The following WEE2 variants were observed in gnomAD, a reference collection of about 807,000 sequenced individuals.
The protein encoded by WEE2 is wee1-like protein kinase 2.
In WEE2, 50 loss-of-function variants were observed where a neutral mutation model predicts 60.1. The observed-to-expected ratio is 0.83, with a 90% CI of 0.66 to 1.05. WEE2 has a LOEUF of 1.05. Among genes scored for constraint, WEE2 ranks in the 50% least tolerant of loss-of-function variants. WEE2 has a pLI of 0.00. For missense variants in WEE2, 631 were observed against 684.3 expected (o/e 0.92, Z 0.87); for synonymous variants, 240 against 241.0 (o/e 1.00, Z 0.04).
rs1445663167 is a variant in WEE2 at position 141,721,043 on chromosome 7, T to C, written c.867T>C (p.Asn289=). 1 of 1,614,080 alleles carries C rather than the reference T, an allele frequency of 6.2e-7. No individual in the cohort carries two copies. Among genetic ancestry groups the C allele is most frequent in the Non-Finnish European group, 8.5e-7 (1 of 1,180,036 alleles). The stretch of plus-strand genomic sequence containing the variant: ...AAGATGACCACATGATCATTCAGAA[T>C]GAATACTGCAATGGTAAGTAGTATA... ...WAEDDHMIIQ[N]EYCNGGSLQA... Residue 289 remains asparagine, a synonymous_variant, in exon 5 of 12, where the codon AAT becomes AAC. Transcript: ENST00000397541.
chr7:141,730,029 A>G (rs1299398571), intron 11 of WEE2, among the ~76,000 whole-genome samples: 8 of 151,572 alleles, frequency 5.3e-5, no homozygotes, highest in Non-Finnish European at 1.2e-4. Flanking sequence ...GCACCAGCCA[A>G]CCTTTTACTG....
intron 1 of WEE2, among the ~76,000 whole-genome samples, chr7:141,712,807 T>A (rs1024076566): frequency 6.6e-6 from 1 of 152,242 alleles, no homozygotes; most frequent in South Asian, 2.1e-4. Flanking sequence ...TAGATGTGTT[T>A]TACTTTCCAT....
Position 141,708,610 on chromosome 7 carries a change from GT to G in WEE2, c.-145del, listed in dbSNP as rs1413239933. On this transcript the variant is annotated 5_prime_UTR_variant, in exon 1 of 12. Transcript: ENST00000397541. ...ACTTAAGGCAGAAAATTAACACCGT[GT>G]TTTGTAGCTGTTAGTTGGTAGAGGG... 1.5e-6 allele frequency: 1 copy of G among 664,906 alleles called. No individual in the cohort carries two copies. The highest frequency in any genetic ancestry group is 2.7e-5 in the Admixed American group (1 of 37,226). 41.2% of individuals were successfully genotyped at this position (664,906 alleles called of 1,614,324 possible).
intron 1 of WEE2, among the ~76,000 whole-genome samples, chr7:141,713,585 C>T (rs1033584314): frequency 1.3e-5 from 2 of 152,118 alleles, no homozygotes; most frequent in African/African-American, 4.8e-5. Context: ...ATCTCATTAC[C>T]GCACTTCATG....
chr7:141,713,258 G>T (rs1353330831), intron 1 of WEE2, among the ~76,000 whole-genome samples: 1 of 152,168 alleles, frequency 6.6e-6, no homozygotes, highest in African/African-American at 2.4e-5. Flanking sequence ...GGGCAGAGAT[G>T]ATCAGAACTG....
At chr7:141,722,833 C>A (rs1446154742) in intron 5 of WEE2, among the ~76,000 whole-genome samples, 2 of 152,174 alleles carry the variant, frequency 1.3e-5, no homozygotes, top group African/African-American at 4.8e-5. Flanking sequence ...CTGGCATTTT[C>A]TTTTCCTCTT....
chr7:141,712,897 A>G (rs1798731634), intron 1 of WEE2, among the ~76,000 whole-genome samples: 1 of 152,210 alleles, frequency 6.6e-6, no homozygotes, highest in African/African-American at 2.4e-5. Context: ...AATCACATTG[A>G]TAACTGAGAA....
chr7:141,725,366 C>G (rs1211231157), intron 9 of WEE2, among the ~76,000 whole-genome samples, 170 bp downstream of exon 9: 1 of 152,126 alleles, frequency 6.6e-6, no homozygotes, highest in East Asian at 1.9e-4. Flanking sequence ...GTGGCTCACA[C>G]CTGTAATCTC....
rs1799119515 is a variant in WEE2 at position 141,730,443 on chromosome 7, T to C, written c.*123T>C. 2.4e-6 allele frequency: 2 copies of C among 849,466 alleles called. No individual in the cohort carries two copies. Among genetic ancestry groups the C allele is most frequent in the Middle Eastern group, 2.3e-4 (1 of 4,402 alleles). The allele number at this position is 849,466 out of a possible 1,614,324, so 52.6% of individuals were successfully genotyped here. A position where few individuals can be genotyped will look rare whatever the true frequency, so the allele number is the denominator to read the frequency against. On this transcript the variant is annotated 3_prime_UTR_variant, in exon 12 of 12. Coordinates refer to ENST00000397541, the MANE Select transcript of WEE2 (RefSeq NM_001105558.1). ...AAAGGAATAGAATTTAGTTTAGAGT[T>C]GAAGTCACAGCTTACAGAAAATGTG...
intron 1 of WEE2, among the ~76,000 whole-genome samples, chr7:141,713,721 G>T (rs1798745732): frequency 6.6e-6 from 1 of 152,104 alleles, no homozygotes; most frequent in Non-Finnish European, 1.5e-5. Flanking sequence ...GCTGAATAAT[G>T]AACTATATAT....
rs1472664214 is a variant in WEE2 at position 141,723,220 on chromosome 7, A to G, written c.967A>G (p.Ile323Val). ...AAAACTCAAGGACATCCTTCTACAG[A>G]TTTCCCTTGGCCTTAATTACATCCA... is the stretch of plus-strand genomic sequence containing the variant. Reference protein sequence around the residue: ...EPKLKDILLQISLGLNYIHNS... With the variant: ...EPKLKDILLQVSLGLNYIHNS... Residue 323 changes from isoleucine to valine, a missense_variant, in exon 6 of 12, where the codon ATT becomes GTT. Ile to Val is a conservative substitution (Grantham distance 29). Transcript: ENST00000397541. 3.1e-6 allele frequency: 5 copies of G among 1,614,152 alleles called. No homozygotes were observed. The highest frequency in any genetic ancestry group is 4.2e-6 in the Non-Finnish European group (5 of 1,180,008).
chr7:141,719,364 C>A, intron 4 of WEE2, 120 bp downstream of exon 4: 3 of 953,978 alleles, frequency 3.1e-6, no homozygotes, highest in Non-Finnish European at 4.5e-6. Flanking sequence ...TAAAATCACC[C>A]CACATTATAT....
intron 1 of WEE2, among the ~76,000 whole-genome samples, chr7:141,709,799 G>A (rs946828773): frequency 6.6e-6 from 1 of 152,136 alleles, no homozygotes. Flanking sequence ...CTTTATTCTT[G>A]TTGTGATTGG....
rs1281365291 is a variant in WEE2 at position 141,708,895 on chromosome 7, T to C, written c.137T>C (p.Val46Ala). The C allele has an allele frequency of 2.5e-6, 4 of 1,613,992 alleles. No homozygotes were observed. In the East Asian group the frequency reaches 6.7e-5, roughly 27 times the overall value. ...ASSQTPEKGE[V>A]QDSEAKGTPP... The stretch of plus-strand genomic sequence containing the variant: ...AGCCAAACCCCAGAGAAGGGTGAAG[T>C]GCAGGATTCAGAGGCAAAGGGTACA... The change falls in exon 1 of 12, where the codon GTG becomes GCG. Residue 46 changes from valine to alanine, a missense_variant. Coordinates refer to ENST00000397541, the MANE Select transcript of WEE2 (RefSeq NM_001105558.1).
At chr7:141,721,539 AC>A (rs1388626205) in intron 5 of WEE2, among the ~76,000 whole-genome samples, 1 of 149,276 alleles carries the variant, frequency 6.7e-6, no homozygotes, top group Non-Finnish European at 1.5e-5. Flanking sequence ...GCTCACCGCA[AC>A]CTCCACCTCC....
chr7:141,721,362 C>T (rs780912102), intron 5 of WEE2, among the ~76,000 whole-genome samples: 2 of 152,196 alleles, frequency 1.3e-5, no homozygotes, highest in Non-Finnish European at 2.9e-5. Context: ...AAGCAACATC[C>T]AGGCTGGTAG....
intron 1 of WEE2, among the ~76,000 whole-genome samples, chr7:141,712,400 T>C (rs2117102814): frequency 6.6e-6 from 1 of 152,288 alleles, no homozygotes; most frequent in Middle Eastern, 3.4e-3. Flanking sequence ...GCTACAGCTA[T>C]TCCTTATGGA....
chr7:141,714,369 T>C lies in WEE2; in HGVS notation c.503T>C (p.Leu168Pro). The C allele has an allele frequency of 1.2e-6, 2 of 1,611,958 alleles. No individual in the cohort carries two copies. Among genetic ancestry groups the C allele is most frequent in the Non-Finnish European group, 1.7e-6 (2 of 1,179,330 alleles). Residue 168 changes from leucine (L) to proline (P), a missense_variant, in exon 2 of 12, where the codon CTT (leucine) becomes CCT (proline). Physicochemically the swap from Leu to Pro is moderately conservative, Grantham distance 98. Coordinates refer to ENST00000397541, the MANE Select transcript of WEE2 (RefSeq NM_001105558.1). ...FTPESYKKLF[L>P]QSGGKRKIRG... ...CCAGAGTCCTATAAAAAATTATTTC[T>C]TCAATCTGGTGGCAAGAGGAAAATA...
chr7:141,713,041 G>A (rs1221578531), intron 1 of WEE2, among the ~76,000 whole-genome samples: 1 of 152,104 alleles, frequency 6.6e-6, no homozygotes, highest in South Asian at 2.1e-4. Flanking sequence ...CTCCAAGATA[G>A]GAGAAACACT....
Sources: allele counts gnomAD v4.1 joint callset (sites outside exome capture counted in the v4.1 genomes callset), GRCh38; gene constraint gnomAD v4.1.1; transcripts MANE v1.5; gene names NCBI Gene and HGNC (gene_info 2026-07-23, HGNC 2026-07-21).